The following LCTL variants were observed in gnomAD, a reference collection of about 807,000 sequenced individuals.
LCTL encodes lactase-like protein.
In LCTL, 76 loss-of-function variants were observed where a neutral mutation model predicts 75.8. The ratio of observed to expected loss-of-function variants is 1.00; its 90% CI spans 0.83 to 1.21. The LOEUF is 1.21. Among genes scored for constraint, LCTL ranks in the 50% most tolerant of loss-of-function variants. LCTL has a pLI of 0.00. For missense variants in LCTL, 670 were observed against 712.4 expected, an observed-to-expected ratio of 0.94 and a Z score of 0.68; for synonymous variants, 271 against 268.8, an observed-to-expected ratio of 1.01 and a Z score of -0.08.
Position 66,564,803 on chromosome 15 carries a change from G to A in LCTL, c.155C>T (p.Thr52Met), listed in dbSNP as rs141474589. 6,893 of 1,613,156 alleles carry A rather than the reference G, an allele frequency of 4.3e-3. 33 individuals are homozygous for A. The highest frequency in any genetic ancestry group is 0.015 in the Middle Eastern group (93 of 6,060). ...CCCGTCCTGGTCCCAGGCGCCCTCCGTCTGGTAGGCAGAACTGCCCACGCC... is the reference window on the plus strand; with the variant it reads ...CCCGTCCTGGTCCCAGGCGCCCTCCATCTGGTAGGCAGAACTGCCCACGCC... Residue 52 changes from threonine (T) to methionine (M), a missense_variant, in exon 2 of 13, where the codon ACG becomes ATG. Physicochemically the swap from Thr to Met is moderately conservative, Grantham distance 81. Transcript: ENST00000341509.
chr15:66,564,313 A>G (rs997294279), intron 2 of LCTL: 4 of 481,616 alleles, frequency 8.3e-6, no homozygotes, highest in Admixed American at 3.6e-5. Context: ...AGCGGGTCCC[A>G]CTCCCTCCAC....
At chr15:66,548,662 A>G in intron 12 of LCTL, 57 bp from the exon 14 acceptor site, 1 of 897,616 alleles carries the variant, frequency 1.1e-6, no homozygotes, top group Non-Finnish European at 1.9e-6. Flanking sequence ...TTTAGTAAAT[A>G]CAGCTTTATC....
At chr15:66,560,216 G>T (rs1419477652) in intron 6 of LCTL, among the ~76,000 whole-genome samples, 3 of 152,130 alleles carry the variant, frequency 2.0e-5, no homozygotes, top group African/African-American at 7.2e-5. Context: ...TCACCCAGTG[G>T]TTCCTTGCCT....
At chr15:66,557,909 G>C in intron 7 of LCTL, 26 bp from the exon 9 acceptor site, 1 of 1,612,456 alleles carries the variant, frequency 6.2e-7, no homozygotes, top group Non-Finnish European at 8.5e-7. Flanking sequence ...AGAAAAGGGA[G>C]TGGGGAGTGG....
chr15:66,548,283 G>T, exon 13 of LCTL: 1 of 371,614 alleles, frequency 2.7e-6, no homozygotes, highest in Non-Finnish European at 4.8e-6. Context: ...ACTTTAGGAG[G>T]GGTGAGATTA....
chr15:66,556,725 T>C (rs1895747990), intron 8 of LCTL, among the ~76,000 whole-genome samples: 2 of 152,236 alleles, frequency 1.3e-5, no homozygotes, highest in African/African-American at 4.8e-5. Flanking sequence ...AAATACTGTA[T>C]GATTCCACTT....
chr15:66,564,377 C>A, intron 2 of LCTL: 1 of 475,170 alleles, frequency 2.1e-6, no homozygotes. Context: ...GGCTGTAGGC[C>A]CTGAGGCTGT....
chr15:66,560,550 C>T (rs1026522306), intron 6 of LCTL, among the ~76,000 whole-genome samples: 1 of 152,190 alleles, frequency 6.6e-6, no homozygotes, highest in South Asian at 2.1e-4. Flanking sequence ...TCTGCCTGCT[C>T]ATTATCGCTG....
At chr15:66,564,893 C>T (rs1895985906) in intron 1 of LCTL, 54 bp from the exon 3 acceptor site, 34 of 1,546,692 alleles carry the variant, frequency 2.2e-5, no homozygotes, top group Non-Finnish European at 2.9e-5. Context: ...TCACCCAGAG[C>T]CAGGACTCTG....
At position 66,560,964 on chromosome 15, in the gene LCTL, C is replaced by G. The variant is rs1229747541; in HGVS notation, c.705+42G>C. ...GCTAGAGCCCCTGGGGCAGGCTGAG[C>G]TGACCCTGAGGCTGTTCCTCCACCA... On this transcript the variant is annotated intron_variant, in intron 6 of 12. Coordinates refer to ENST00000341509, the Ensembl canonical transcript of LCTL. The G allele has an allele frequency of 3.1e-6, 5 of 1,593,788 alleles. No individual in the cohort carries two copies. The East Asian group carries it at 1.1e-4, about 36-fold the overall frequency.
At chr15:66,549,160 T>C (rs1053708165) in intron 12 of LCTL, 11 of 152,320 alleles carry the variant, frequency 7.2e-5, no homozygotes, top group African/African-American at 2.4e-4. Flanking sequence ...TTATCTTGTG[T>C]GCTGGGTACT....
intron 2 of LCTL, 163 bp from the exon 4 acceptor site, chr15:66,564,161 C>G: frequency 1.6e-6 from 1 of 617,298 alleles, no homozygotes; most frequent in Non-Finnish European, 2.9e-6. Context: ...CACCTGCCCA[C>G]TTCATGCAGG....
exon 10 of LCTL, chr15:66,552,141 A>T: frequency 1.2e-6 from 2 of 1,613,334 alleles, no homozygotes; most frequent in Non-Finnish European, 1.7e-6. Context: ...ATTTTCCATC[A>T]CATATATGGG....
chr15:66,560,090 A>T (rs1895849984), intron 6 of LCTL, among the ~76,000 whole-genome samples: 1 of 152,172 alleles, frequency 6.6e-6, no homozygotes, highest in African/African-American at 2.4e-5. Context: ...CAGTCTCAAA[A>T]AAAAAAAATC....
intron 6 of LCTL, among the ~76,000 whole-genome samples, chr15:66,559,698 A>C (rs1191579513): frequency 2.0e-5 from 3 of 152,052 alleles, no homozygotes; most frequent in Non-Finnish European, 4.4e-5. Context: ...ACAGAGCGAG[A>C]ATCTGTCTCT....
intron 6 of LCTL, among the ~76,000 whole-genome samples, chr15:66,558,689 T>G (rs8027758): frequency 0.073 from 1,593 of 21,734 alleles, 7 homozygotes; most frequent in Middle Eastern, 0.22. Context: ...GTGTGTGTGT[T>G]TTTTTTTTTT....
intron 1 of LCTL, 134 bp from the exon 3 acceptor site, chr15:66,564,973 C>A (rs1462394563): frequency 7.2e-6 from 6 of 828,876 alleles, no homozygotes; most frequent in Non-Finnish European, 9.4e-6. Context: ...GGGGACTTGT[C>A]TTCCTAGGAG....
At chr15:66,564,794 G>A in exon 2 of LCTL, 1 of 1,613,482 alleles carries the variant, frequency 6.2e-7, no homozygotes, top group African/African-American at 1.3e-5. Flanking sequence ...CTGGTCCCAG[G>A]CGCCCTCCGT....
At chr15:66,562,148 A>G (rs1040372893) in intron 4 of LCTL, among the ~76,000 whole-genome samples, 3 of 152,126 alleles carry the variant, frequency 2.0e-5, no homozygotes, top group Non-Finnish European at 4.4e-5. Flanking sequence ...CACGCCTGTA[A>G]TCCTAGCACT....
Sources: allele counts gnomAD v4.1 joint callset (sites outside exome capture counted in the v4.1 genomes callset), GRCh38; gene constraint gnomAD v4.1.1; transcripts MANE v1.5; gene names NCBI Gene and HGNC (gene_info 2026-07-23, HGNC 2026-07-21).